The following ARHGAP12 variants were observed in gnomAD, a reference collection of about 807,000 sequenced individuals.
ARHGAP12 encodes rho GTPase-activating protein 12.
In ARHGAP12, 64 loss-of-function variants were observed where a neutral mutation model predicts 108.6. The observed-to-expected ratio is 0.59, with a 90% CI of 0.48 to 0.73. The LOEUF is 0.73. Ranked by LOEUF, ARHGAP12 falls within the 30% of genes least tolerant of loss-of-function variation. The probability of loss-of-function intolerance (pLI) is 0.00; values close to 1 mark genes in which losing one functional copy is unlikely to be tolerated. For missense variants in ARHGAP12, 940 were observed against 1,005.9 expected (o/e 0.93, Z 0.89); for synonymous variants, 312 against 337.2 (o/e 0.93, Z 0.82).
chr10:31,851,957 T>C (rs544743629), intron 6 of ARHGAP12, among the ~76,000 whole-genome samples: 1 of 152,156 alleles, frequency 6.6e-6, no homozygotes, highest in Admixed American at 6.5e-5. Flanking sequence ...CAAGCACCAA[T>C]AGTGATATGC....
At chr10:31,826,596 G>A (rs1418115852) in intron 10 of ARHGAP12, among the ~76,000 whole-genome samples, 1 of 152,154 alleles carries the variant, frequency 6.6e-6, no homozygotes, top group Non-Finnish European at 1.5e-5. Flanking sequence ...AACAAATGAA[G>A]TTAATCAGAG....
intron 3 of ARHGAP12, among the ~76,000 whole-genome samples, chr10:31,879,905 C>A (rs371205046): frequency 4.6e-5 from 7 of 152,144 alleles, no homozygotes; most frequent in African/African-American, 1.7e-4. Context: ...TCTGCAGGTA[C>A]CTTTAACTAT....
At chr10:31,815,429 G>T (rs1835169523) in intron 13 of ARHGAP12, among the ~76,000 whole-genome samples, 2 of 152,134 alleles carry the variant, frequency 1.3e-5, no homozygotes, top group African/African-American at 4.8e-5. Flanking sequence ...TGTTTCACAG[G>T]TATGTATGCT....
chr10:31,881,793 G>C (rs1043382472), intron 3 of ARHGAP12, among the ~76,000 whole-genome samples: 2 of 151,874 alleles, frequency 1.3e-5, no homozygotes, highest in Admixed American at 6.6e-5. Flanking sequence ...AAATACTTTT[G>C]TTACCACAGT....
At chr10:31,896,456 G>C (rs1247276786) in intron 3 of ARHGAP12, among the ~76,000 whole-genome samples, 1 of 152,040 alleles carries the variant, frequency 6.6e-6, no homozygotes, top group Non-Finnish European at 1.5e-5. Context: ...CAGGTTGTCA[G>C]TTATCACTTT....
chr10:31,924,658 A>C (rs141436856), intron 1 of ARHGAP12, among the ~76,000 whole-genome samples: 62 of 152,216 alleles, frequency 4.1e-4, no homozygotes, highest in African/African-American at 1.3e-3. Context: ...ATGTAGCAAA[A>C]TATAGGAAAT....
chr10:31,880,461 C>CA (rs1270704776), intron 3 of ARHGAP12, among the ~76,000 whole-genome samples: 2 of 149,142 alleles, frequency 1.3e-5, no homozygotes, highest in African/African-American at 4.9e-5. Flanking sequence ...AACAAACAAA[C>CA]AACAACAATA....
At chr10:31,887,937 G>GT (rs1246867562) in intron 3 of ARHGAP12, among the ~76,000 whole-genome samples, 4 of 152,112 alleles carry the variant, frequency 2.6e-5, no homozygotes, top group African/African-American at 9.7e-5. Flanking sequence ...GATTACAGGC[G>GT]TGAGTCACCG....
At chr10:31,925,901 T>C (rs1840014997) in intron 1 of ARHGAP12, among the ~76,000 whole-genome samples, 1 of 152,260 alleles carries the variant, frequency 6.6e-6, no homozygotes, top group Admixed American at 6.5e-5. Context: ...TTAATAATTT[T>C]CCTATTACAT....
At chr10:31,816,342 G>T (rs1327546166) in intron 13 of ARHGAP12, among the ~76,000 whole-genome samples, 2 of 151,940 alleles carry the variant, frequency 1.3e-5, no homozygotes, top group Non-Finnish European at 2.9e-5. Flanking sequence ...CTACTTAATT[G>T]GTGTTTTTAC....
Position 31,861,091 on chromosome 10 carries a change from C to T in ARHGAP12, c.948+304G>A, listed in dbSNP as rs372991408. 4.5e-3 allele frequency among the ~76,000 whole-genome samples: 688 copies of T among 152,258 alleles called. 4 individuals carry two copies. Among genetic ancestry groups the T allele is most frequent in the Non-Finnish European group, 6.8e-3 (465 of 68,010 alleles). ...AATTAAATTTAACTTAAAATATCAT[C>T]GGCTTGTGCAGTAACAACTGAAATA... On this transcript the variant is annotated intron_variant, in intron 4 of 19. Coordinates refer to ENST00000344936, the MANE Select transcript of ARHGAP12 (RefSeq NM_018287.7).
intron 1 of ARHGAP12, among the ~76,000 whole-genome samples, chr10:31,919,041 A>C (rs1839680701): frequency 6.6e-6 from 1 of 152,268 alleles, no homozygotes; most frequent in Admixed American, 6.5e-5. Flanking sequence ...AATATTATTC[A>C]GCCTTAAAAA....
At chr10:31,880,936 A>G (rs183871967) in intron 3 of ARHGAP12, among the ~76,000 whole-genome samples, 4 of 150,936 alleles carry the variant, frequency 2.7e-5, no homozygotes, top group Admixed American at 1.3e-4. Flanking sequence ...GGTGGCACAC[A>G]CCTGTGGTCC....
intron 5 of ARHGAP12, among the ~76,000 whole-genome samples, chr10:31,853,739 A>G (rs1191109260): frequency 6.6e-6 from 1 of 152,240 alleles, no homozygotes; most frequent in Non-Finnish European, 1.5e-5. Context: ...AATGGCACAG[A>G]GAGAAAACCA....
intron 3 of ARHGAP12, among the ~76,000 whole-genome samples, chr10:31,904,271 C>G (rs533000619): frequency 6.6e-6 from 1 of 152,296 alleles, no homozygotes; most frequent in South Asian, 2.1e-4. Context: ...TAGAATACCA[C>G]TCAGCAACAA....
At chr10:31,817,022 T>C (rs576488006) in intron 13 of ARHGAP12, among the ~76,000 whole-genome samples, 2 of 152,194 alleles carry the variant, frequency 1.3e-5, no homozygotes, top group African/African-American at 2.4e-5. Flanking sequence ...TGTCCCCATA[T>C]GGTGAAAGGT....
At chr10:31,928,496 T>C (rs1358008993) in intron 1 of ARHGAP12, among the ~76,000 whole-genome samples, 187 bp downstream of exon 1, 4 of 133,362 alleles carry the variant, frequency 3.0e-5, no homozygotes, top group Non-Finnish European at 6.3e-5. Context: ...CCAGAGCCCC[T>C]CGCTGCGCGC....
intron 1 of ARHGAP12, among the ~76,000 whole-genome samples, chr10:31,919,761 C>T (rs1839712988): frequency 6.7e-6 from 1 of 148,870 alleles, no homozygotes; most frequent in Admixed American, 6.7e-5. Context: ...ACTGCACCTC[C>T]AGCCTGGGCA....
chr10:31,849,505 A>G (rs566558069), intron 6 of ARHGAP12, among the ~76,000 whole-genome samples: 2 of 152,358 alleles, frequency 1.3e-5, no homozygotes, highest in East Asian at 3.9e-4. Context: ...GGGGGTTACA[A>G]GCTTGACAGA....
Sources: allele counts gnomAD v4.1 joint callset (sites outside exome capture counted in the v4.1 genomes callset), GRCh38; gene constraint gnomAD v4.1.1; transcripts MANE v1.5; gene names NCBI Gene and HGNC (gene_info 2026-07-23, HGNC 2026-07-21).